Variants in SNX7 observed in about 807,000 individuals in gnomAD.
The protein encoded by SNX7 is sorting nexin 7, also known as sorting nexin-7.
In SNX7, 35 loss-of-function variants were observed where a neutral mutation model predicts 48.4. The observed-to-expected ratio is 0.72, with a 90% confidence interval of 0.55 to 0.96. The LOEUF (loss-of-function observed/expected upper bound fraction) is 0.96, where lower values mean the gene tolerates loss of function less well. Ranked by LOEUF, SNX7 falls within the 40% of genes least tolerant of loss-of-function variation. The probability of loss-of-function intolerance (pLI) is 0.00; values close to 1 mark genes in which losing one functional copy is unlikely to be tolerated. For missense variants in SNX7, 553 were observed against 548.9 expected (o/e 1.01, Z -0.07); for synonymous variants, 190 against 190.2 (o/e 1.00, Z 0.01).
intron 8 of SNX7, among the ~76,000 whole-genome samples, chr1:98,756,433 T>G (rs1296073284): frequency 1.0e-4 from 15 of 145,102 alleles, no homozygotes; most frequent in African/African-American, 3.5e-4. Flanking sequence ...TTTTTTTTTT[T>G]TTTTTTTTTT....
rs1249771197 is a variant in SNX7 at position 98,661,731 on chromosome 1, G to A, written c.-1G>A. 8.2e-7 allele frequency: 1 copy of A among 1,225,798 alleles called. No individual in the cohort carries two copies. The highest frequency in any genetic ancestry group is 1.6e-5 in the African/African-American group (1 of 63,900). 75.9% of individuals were successfully genotyped at this position (1,225,798 alleles called of 1,614,324 possible). On this transcript the variant is annotated 5_prime_UTR_variant, in exon 1 of 9. Transcript: ENST00000306121. Reference sequence around the variant, plus strand: ...CGGCCGGCTGGGCGCGCACTCTCGGGATGGAGGGCGAGCGCCGGGCATCGC... The same window carrying A: ...CGGCCGGCTGGGCGCGCACTCTCGGAATGGAGGGCGAGCGCCGGGCATCGC...
chr1:98,669,386 C>T (rs142323581), intron 1 of SNX7, among the ~76,000 whole-genome samples: 64 of 152,294 alleles, frequency 4.2e-4, no homozygotes, highest in Non-Finnish European at 7.2e-4. Flanking sequence ...TAATATTCTG[C>T]CCCCATTCTA....
Position 98,695,377 on chromosome 1 carries a change from C to T in SNX7, c.640-141C>T, listed in dbSNP as rs908453466. 7 of 741,338 alleles carry T rather than the reference C, an allele frequency of 9.4e-6. No homozygotes were observed. The African/African-American group carries it at 1.2e-4, about 13-fold the overall frequency. The allele number at this position is 741,338 out of a possible 1,614,324, so 45.9% of individuals were successfully genotyped here. On this transcript the variant is annotated intron_variant, in intron 4 of 8. Transcript: ENST00000306121. The stretch of plus-strand genomic sequence containing the variant: ...ACTGTACCTTAATAAAGCTCATCTG[C>T]TTCAAGCTAACATTAAAAAAGATTG...
intron 8 of SNX7, among the ~76,000 whole-genome samples, chr1:98,745,810 C>T (rs888881818): frequency 1.3e-5 from 2 of 152,058 alleles, no homozygotes; most frequent in Non-Finnish European, 2.9e-5. Context: ...TGTGGATCAT[C>T]TAATTTATTT....
In SNX7 at chr1:98,665,167, G is replaced by A. The variant is rs116331914; in HGVS notation, c.180+3256G>A. Among the ~76,000 whole-genome samples the A allele has an allele frequency of 3.4e-3, 524 of 152,170 alleles. 4 individuals carry two copies. The highest frequency in any genetic ancestry group is 0.012 in the African/African-American group (503 of 41,518). ...TACTCAGTAAATGATAGCTCTAATT[G>A]GCCTCTTTAAAGATATTCGGGATCA... On this transcript the variant is annotated intron_variant, in intron 1 of 8. Transcript: ENST00000306121.
intron 8 of SNX7, among the ~76,000 whole-genome samples, chr1:98,753,836 G>C (rs1020686862): frequency 6.6e-6 from 1 of 152,128 alleles, no homozygotes; most frequent in Admixed American, 6.6e-5. Flanking sequence ...ATTGTGGGTA[G>C]ATTTTTTAAA....
intron 1 of SNX7, 102 bp downstream of exon 1, chr1:98,662,013 C>T (rs1649256025): frequency 8.5e-7 from 1 of 1,180,830 alleles, no homozygotes; most frequent in Admixed American, 4.3e-5. Context: ...CCTCCCGGGG[C>T]GGTGGCTCTG....
At chr1:98,692,624 A>C (rs950394251) in intron 4 of SNX7, among the ~76,000 whole-genome samples, 1 of 152,154 alleles carries the variant, frequency 6.6e-6, no homozygotes, top group Non-Finnish European at 1.5e-5. Context: ...TGAACTACTC[A>C]CATGGAGATG....
In SNX7 at chr1:98,724,885, A is replaced by G. The variant is rs555545815; in HGVS notation, c.1126-13352A>G. ...AATTTTTATAATTGATACTTTGATA[A>G]AACTGTTAGTGATTATGAAAATTAA... On this transcript the variant is annotated intron_variant, in intron 7 of 8. Coordinates refer to ENST00000306121, the MANE Select transcript of SNX7 (RefSeq NM_015976.5). Among the ~76,000 whole-genome samples, 3 of 152,292 alleles carry G rather than the reference A, an allele frequency of 2.0e-5. No homozygotes were observed. In the East Asian group the frequency reaches 5.8e-4, roughly 29 times the overall value.
chr1:98,754,830 GTTTT>G (rs1170226147), intron 8 of SNX7, among the ~76,000 whole-genome samples: 3 of 149,664 alleles, frequency 2.0e-5, no homozygotes, highest in Non-Finnish European at 4.5e-5. Context: ...GCTCTTTTCT[GTTTT>G]TTGTTTTTTT....
At chr1:98,748,283 G>A (rs1654404799) in intron 8 of SNX7, among the ~76,000 whole-genome samples, 1 of 152,050 alleles carries the variant, frequency 6.6e-6, no homozygotes, top group African/African-American at 2.4e-5. Flanking sequence ...ACTGCACCCA[G>A]CTGGGTTTCT....
chr1:98,685,188 T>C, intron 2 of SNX7, 121 bp downstream of exon 2: 1 of 565,606 alleles, frequency 1.8e-6, no homozygotes, highest in Non-Finnish European at 2.8e-6. Context: ...GACTTTTACT[T>C]TTTCAAACCT....
intron 1 of SNX7, among the ~76,000 whole-genome samples, chr1:98,678,302 A>ACATGAGGATGGCTCCAAGCCATT: frequency 6.6e-6 from 1 of 152,298 alleles, no homozygotes; most frequent in South Asian, 2.1e-4. Context: ...TTACTCATTA[A>ACATGAGGATGGCTCCAAGCCATT]CATGAGGATG....
intron 1 of SNX7, chr1:98,662,608 T>TG (rs1649308669): frequency 2.7e-6 from 3 of 1,126,686 alleles, no homozygotes; most frequent in Non-Finnish European, 3.4e-6. Context: ...AATTGACTTG[T>TG]GGGGGCTAGT....
chr1:98,742,601 C>T (rs527475765), intron 8 of SNX7, among the ~76,000 whole-genome samples: 32 of 152,060 alleles, frequency 2.1e-4, no homozygotes, highest in African/African-American at 7.0e-4. Context: ...TATGGAAATG[C>T]TTGTTTTATT....
upstream of SNX7, chr1:98,661,589 C>T: frequency 7.8e-6 from 6 of 770,554 alleles, no homozygotes; most frequent in South Asian, 2.6e-4. Context: ...GCGCTGGTCC[C>T]GGCAGTTCCG....
At chr1:98,672,759 C>T (rs1357226439) in intron 1 of SNX7, among the ~76,000 whole-genome samples, 2 of 149,026 alleles carry the variant, frequency 1.3e-5, no homozygotes, top group Admixed American at 6.7e-5. Flanking sequence ...CCCGTCTCTA[C>T]TAAAAATACA....
At chr1:98,703,341 C>G (rs1033654838) in intron 7 of SNX7, among the ~76,000 whole-genome samples, 13 of 151,968 alleles carry the variant, frequency 8.6e-5, no homozygotes, top group Non-Finnish European at 1.6e-4. Context: ...ACAAAGAGTC[C>G]TTGTGTCTAC....
In SNX7 at chr1:98,702,008, A is replaced by T; in HGVS notation, c.1125+105A>T. 3.8e-6 allele frequency: 3 copies of T among 791,498 alleles called. 1 individual carries two copies. Among genetic ancestry groups the T allele is most frequent in the Non-Finnish European group, 6.0e-6 (3 of 503,628 alleles). 49.0% of individuals were successfully genotyped at this position (791,498 alleles called of 1,614,324 possible). ...TCCTTACATGATTGTTTCTTATATG[A>T]TTGTTTCTAAGCATTAAGCAAATTA... On this transcript the variant is annotated intron_variant, in intron 7 of 8. Coordinates refer to ENST00000306121, the MANE Select transcript of SNX7 (RefSeq NM_015976.5).
Sources: gnomAD v4.1 joint callset for allele counts (sites outside exome capture counted in the v4.1 genomes callset) on GRCh38, gnomAD v4.1.1 for gene constraint, MANE v1.5 for transcripts, NCBI Gene and HGNC (gene_info 2026-07-23, HGNC 2026-07-21) for gene names.